Variants in DIP2C observed in about 807,000 individuals in gnomAD.
DIP2C encodes the protein DIP2 acetate--CoA ligase C (putative).
Under a neutral mutation model 192.4 loss-of-function variants are expected in DIP2C, and 33 were observed. The observed-to-expected ratio is 0.17, with a 90% confidence interval of 0.13 to 0.23. DIP2C has a LOEUF of 0.23. Among genes scored for constraint, DIP2C ranks in the 10% least tolerant of loss-of-function variants. The pLI is 1.00. For missense variants in DIP2C, 1,537 were observed against 2,110.1 expected (o/e 0.73, Z 5.32); for synonymous variants, 979 against 864.1 (o/e 1.13, Z -2.33).
At chr10:377,302 A>AC (rs1961737100) in intron 17 of DIP2C, among the ~76,000 whole-genome samples, 1 of 152,060 alleles carries the variant, frequency 6.6e-6, no homozygotes. Context: ...ACTGGGGGGG[A>AC]CCCCGTGGGG....
Position 531,669 on chromosome 10 carries a change from T to A in DIP2C, c.86-45139A>T, listed in dbSNP as rs566227228. Reference sequence around the variant, plus strand: ...CCATAGGGCCCTCTACAGTTGTGTGTAAGGAATTCTTGGCCTGTCCTGGGG... The same window carrying A: ...CCATAGGGCCCTCTACAGTTGTGTGAAAGGAATTCTTGGCCTGTCCTGGGG... On this transcript the variant is annotated intron_variant, in intron 1 of 36. Coordinates refer to ENST00000280886, the MANE Select transcript of DIP2C (RefSeq NM_014974.3). Among the ~76,000 whole-genome samples, 4 of 152,200 alleles carry A rather than the reference T, an allele frequency of 2.6e-5. No individual in the cohort carries two copies. In the South Asian group the frequency reaches 6.2e-4, roughly 24 times the overall value.
At position 327,114 on chromosome 10, in the gene DIP2C, C is replaced by G. The variant is rs1381805352; in HGVS notation, c.3816G>C (p.Arg1272=). 1 of 1,614,158 alleles carries G rather than the reference C, an allele frequency of 6.2e-7. No homozygotes were observed. Among genetic ancestry groups the G allele is most frequent in the Admixed American group, 1.7e-5 (1 of 60,020 alleles). ...TCVVVAEERP[R]IALTQSFSKL... is the part of the protein sequence containing the mutation. ...TTGAGAACGACTGTGTGAGTGCGAT[C>G]CGAGGCCTCTCTTCCGCCACAACCA... The change falls in exon 31 of 37, where the codon CGG becomes CGC. Residue 1272 remains arginine, a synonymous_variant. Coordinates refer to ENST00000280886, the MANE Select transcript of DIP2C (RefSeq NM_014974.3).
intron 1 of DIP2C, among the ~76,000 whole-genome samples, chr10:502,064 C>G (rs816596): frequency 4.0e-4 from 61 of 152,034 alleles, no homozygotes; most frequent in African/African-American, 1.2e-3. Flanking sequence ...GAGGATTGCT[C>G]GAGCCTGGGA....
intron 1 of DIP2C, chr10:663,643 G>C (rs1856897263): frequency 6.6e-6 from 1 of 152,244 alleles, no homozygotes; most frequent in Non-Finnish European, 1.5e-5. Flanking sequence ...GCCTGGGCAG[G>C]TTGAAATGCG....
At chr10:553,908 C>T (rs151239789) in intron 1 of DIP2C, among the ~76,000 whole-genome samples, 56 of 149,856 alleles carry the variant, frequency 3.7e-4, no homozygotes, top group South Asian at 8.4e-4. Context: ...AAAAGGTATA[C>T]GCTTGTAACT....
At chr10:465,661 C>T (rs1970138302) in intron 3 of DIP2C, among the ~76,000 whole-genome samples, 1 of 151,952 alleles carries the variant, frequency 6.6e-6, no homozygotes, top group South Asian at 2.1e-4. Flanking sequence ...CCCAAAATCT[C>T]CTTAAGCTGA....
At chr10:593,529 TCTC>T (rs1851528160) in intron 1 of DIP2C, among the ~76,000 whole-genome samples, 2 of 106,394 alleles carry the variant, frequency 1.9e-5, no homozygotes, top group Non-Finnish European at 3.4e-5. Context: ...CTGGCGATCA[TCTC>T]CTCGTGGAAG....
chr10:348,291 G>A (rs1208052809), intron 26 of DIP2C, among the ~76,000 whole-genome samples: 3 of 152,254 alleles, frequency 2.0e-5, no homozygotes, highest in South Asian at 2.1e-4. Flanking sequence ...ACATCTTGAG[G>A]AGAGGGCTTT....
rs1431724956 is a variant in DIP2C, at chr10:418,840, A to AACATTT, written c.739+219_739+224dup. ...TTTCTTCTCATGACTAAATTCCTAC[A>AACATTT]ACATTTACATTTTTCCTACAAGGAA... On this transcript the variant is annotated intron_variant, in intron 6 of 36. Transcript: ENST00000280886. Among the ~76,000 whole-genome samples, 3 of 152,360 alleles carry AACATTT rather than the reference A, an allele frequency of 2.0e-5. No homozygotes were observed. The East Asian group carries it at 5.8e-4, about 29-fold the overall frequency.
At chr10:639,951 G>A (rs11253289) in intron 1 of DIP2C, among the ~76,000 whole-genome samples, 18,644 of 151,990 alleles carry the variant, frequency 0.12, 2,328 homozygotes, top group African/African-American at 0.32. Context: ...GGCATCTGCT[G>A]GGCACTCTGC....
intron 1 of DIP2C, among the ~76,000 whole-genome samples, chr10:602,772 G>A (rs952569321): frequency 2.6e-5 from 4 of 152,206 alleles, no homozygotes; most frequent in Admixed American, 6.5e-5. Context: ...GAATGGAAAC[G>A]GGGTTCACAA....
At chr10:451,506 C>T (rs1407330860) in intron 3 of DIP2C, among the ~76,000 whole-genome samples, 3 of 152,056 alleles carry the variant, frequency 2.0e-5, no homozygotes, top group African/African-American at 7.2e-5. Flanking sequence ...TCTTTTTGCC[C>T]CAAACTGGAT....
chr10:458,212 T>C (rs1214470483), intron 3 of DIP2C, among the ~76,000 whole-genome samples: 1 of 152,136 alleles, frequency 6.6e-6, no homozygotes, highest in Non-Finnish European at 1.5e-5. Context: ...TAGGCCGCCT[T>C]CTCTCCTAGC....
chr10:383,813 T>C (rs1962605056), intron 16 of DIP2C, among the ~76,000 whole-genome samples: 1 of 152,162 alleles, frequency 6.6e-6, no homozygotes, highest in South Asian at 2.1e-4. Flanking sequence ...TATTATGCCA[T>C]CGTACCTCTT....
chr10:323,914 G>A (rs939655628), intron 31 of DIP2C, among the ~76,000 whole-genome samples: 3 of 152,108 alleles, frequency 2.0e-5, no homozygotes, highest in African/African-American at 7.2e-5. Context: ...TCTCCACTCT[G>A]CTTGTTTCTA....
At chr10:506,322 C>T (rs1409541818) in intron 1 of DIP2C, among the ~76,000 whole-genome samples, 2 of 152,140 alleles carry the variant, frequency 1.3e-5, no homozygotes, top group Non-Finnish European at 2.9e-5. Context: ...TGCATGACAT[C>T]TTCTGAGAGG....
rs551456256 is a variant in DIP2C, at chr10:413,533, T to C, written c.1057+380A>G. On this transcript the variant is annotated intron_variant, in intron 8 of 36. Coordinates refer to ENST00000280886, the MANE Select transcript of DIP2C (RefSeq NM_014974.3). Reference sequence around the variant, plus strand: ...TTTAACTCAAAAAATATTTAACAAATAACTTTTTATATTGAAATCAAATAG... The same window carrying C: ...TTTAACTCAAAAAATATTTAACAAACAACTTTTTATATTGAAATCAAATAG... Among the ~76,000 whole-genome samples the C allele has an allele frequency of 4.6e-5, 7 of 152,386 alleles. No homozygotes were observed. In the South Asian group the frequency reaches 1.4e-3, roughly 32 times the overall value.
intron 1 of DIP2C, among the ~76,000 whole-genome samples, chr10:571,654 T>G (rs886144321): frequency 6.6e-6 from 1 of 152,224 alleles, no homozygotes; most frequent in African/African-American, 2.4e-5. Flanking sequence ...TGATTATTCT[T>G]AATGAACAGA....
At chr10:287,635 A>G (rs1056307459) in intron 33 of DIP2C, among the ~76,000 whole-genome samples, 4 of 149,484 alleles carry the variant, frequency 2.7e-5, no homozygotes, top group Admixed American at 6.7e-5. Flanking sequence ...AATTATGTCA[A>G]TGGAGAAGGA....
Sources: allele counts gnomAD v4.1 joint callset (sites outside exome capture counted in the v4.1 genomes callset), GRCh38; gene constraint gnomAD v4.1.1; transcripts MANE v1.5; gene names NCBI Gene and HGNC (gene_info 2026-07-23, HGNC 2026-07-21).